CEP57: variants seen among roughly 807,000 people sequenced by gnomAD.
CEP57 encodes the protein centrosomal protein of 57 kDa.
CEP57 carries 40 observed loss-of-function variants against 68.0 expected under a neutral mutation model. The observed-to-expected ratio is 0.59, with a 90% confidence interval of 0.46 to 0.77. The LOEUF is 0.77. Ranked by LOEUF, CEP57 falls within the 30% of genes least tolerant of loss-of-function variation. The pLI is 0.00. For synonymous variants in CEP57, 219 were observed against 198.7 expected, an observed-to-expected ratio of 1.10 and a Z score of -0.86; for missense variants, 606 against 580.7, an observed-to-expected ratio of 1.04 and a Z score of -0.45.
chr11:95,812,006 A>G (rs543530), intron 2 of CEP57, among the ~76,000 whole-genome samples: 42,336 of 152,072 alleles, frequency 0.28, 7,066 homozygotes, highest in Non-Finnish European at 0.38. Context: ...ACCAAATGAC[A>G]GTCATTATCT....
Position 95,831,623 on chromosome 11 carries a change from ATGCTATAGGCAGTGCT to A in CEP57, c.*372_*387del. 6.3e-6 allele frequency: 1 copy of A among 159,810 alleles called. No individual in the cohort carries two copies. Among genetic ancestry groups the A allele is most frequent in the South Asian group, 1.8e-4 (1 of 5,608 alleles). 9.9% of individuals were successfully genotyped at this position (159,810 alleles called of 1,614,324 possible). The stretch of plus-strand genomic sequence containing the variant: ...GTTTAAATTTTCAAAATATGAGACT[ATGCTATAGGCAGTGCT>A]TGCTTGAAAAGTCTCATTTTTAAAT... On this transcript the variant is annotated 3_prime_UTR_variant, in exon 11 of 11. Coordinates refer to ENST00000325542, the MANE Select transcript of CEP57 (RefSeq NM_014679.5).
Position 95,827,743 on chromosome 11 carries a change from AAT to A in CEP57, c.886-39_886-38del, listed in dbSNP as rs768133887. 4 of 1,611,580 alleles carry A rather than the reference AAT, an allele frequency of 2.5e-6. No individual in the cohort carries two copies. In the African/African-American group the frequency reaches 5.3e-5, roughly 22 times the overall value. ...TTAGGGAATAGAAAGTGGTGTAGAG[AAT>A]ATAACTTCAATTACTTCTTTCATCA... On this transcript the variant is annotated intron_variant, in intron 8 of 10. Transcript: ENST00000325542.
chr11:95,790,880 C>A, intron 1 of CEP57, 137 bp downstream of exon 1: 2 of 1,005,240 alleles, frequency 2.0e-6, no homozygotes, highest in Non-Finnish European at 3.0e-6. Context: ...TTGCCCCGCG[C>A]TCCCCAAGCT....
At chr11:95,805,161 G>A (rs1007021858) in intron 2 of CEP57, among the ~76,000 whole-genome samples, 1 of 152,160 alleles carries the variant, frequency 6.6e-6, no homozygotes, top group African/African-American at 2.4e-5. Context: ...TGCAAAAAAT[G>A]TTTGATATTA....
In CEP57 at chr11:95,790,713, T is replaced by A; in HGVS notation, c.15T>A (p.Ser5=). Residue 5 remains serine (S), a synonymous_variant, in exon 1 of 11, where the codon TCT becomes TCA. Transcript: ENST00000325542. ...CAGGCTGAAAGATGGCGGCGGCGTC[T>A]GTCTCTGCGGCTTCTGGTTCTCACT... The part of the protein sequence containing the change: MAAA[S]VSAASGSHLS... The A allele has an allele frequency of 6.2e-7, 1 of 1,614,118 alleles. No individual in the cohort carries two copies.
intron 6 of CEP57, among the ~76,000 whole-genome samples, chr11:95,819,922 C>T (rs1862452972): frequency 6.6e-6 from 1 of 152,192 alleles, no homozygotes; most frequent in African/African-American, 2.4e-5. Context: ...TGTTTTCCCT[C>T]AGTGTGCTTT....
chr11:95,823,806 C>T (rs1472747706), intron 8 of CEP57, among the ~76,000 whole-genome samples: 1 of 152,122 alleles, frequency 6.6e-6, no homozygotes, highest in Non-Finnish European at 1.5e-5. Flanking sequence ...GTTCATCTCT[C>T]CAGTCAATTG....
intron 1 of CEP57, chr11:95,795,583 G>T: frequency 1.9e-6 from 1 of 516,282 alleles, no homozygotes; most frequent in South Asian, 3.0e-5. Context: ...TCTTACTCCT[G>T]ATTTTAAAAG....
At chr11:95,801,860 A>G (rs894465634) in intron 2 of CEP57, among the ~76,000 whole-genome samples, 2 of 152,190 alleles carry the variant, frequency 1.3e-5, no homozygotes, top group African/African-American at 2.4e-5. Flanking sequence ...AACAAGATAA[A>G]AAGTAACCTT....
At chr11:95,809,720 C>G (rs1035496131) in intron 2 of CEP57, among the ~76,000 whole-genome samples, 2 of 152,074 alleles carry the variant, frequency 1.3e-5, no homozygotes, top group African/African-American at 2.4e-5. Context: ...AGCCTGCCAA[C>G]CAAAAAAAGT....
At chr11:95,808,333 CAT>C (rs1366255575) in intron 2 of CEP57, among the ~76,000 whole-genome samples, 1 of 151,470 alleles carries the variant, frequency 6.6e-6, no homozygotes, top group African/African-American at 2.4e-5. Context: ...AACCAGCTAA[CAT>C]CATAATGATA....
chr11:95,828,628 A>C (rs1445005384), intron 9 of CEP57, among the ~76,000 whole-genome samples: 2 of 152,266 alleles, frequency 1.3e-5, no homozygotes, highest in African/African-American at 2.4e-5. Flanking sequence ...TTTGAAGAGC[A>C]AGATTCATCT....
At position 95,831,055 on chromosome 11, in the gene CEP57, G is replaced by A. The variant is rs1862985385; in HGVS notation, c.1302G>A (p.Lys434=). The A allele has an allele frequency of 1.2e-6, 2 of 1,612,884 alleles. No individual in the cohort carries two copies. The highest frequency in any genetic ancestry group is 1.6e-4 in the Middle Eastern group (1 of 6,074). Residue 434 remains lysine (K), a synonymous_variant, in exon 11 of 11, where the codon AAG becomes AAA. Transcript: ENST00000325542. ...AGAAACAGAAGTTAGAGAAGCAGAA[G>A]AAGGAATTAAAAGCTACCAAAAAGA... ...QLEKQKLEKQ[K]KELKATKKTL...
chr11:95,822,443 C>T, intron 7 of CEP57, 56 bp from the exon 8 acceptor site: 1 of 1,339,670 alleles, frequency 7.5e-7, no homozygotes, highest in Non-Finnish European at 1.1e-6. Context: ...CATGTATAGT[C>T]AGTTTTTATT....
chr11:95,794,433 T>G, intron 1 of CEP57: 1 of 410,940 alleles, frequency 2.4e-6, no homozygotes, highest in South Asian at 1.8e-5. Context: ...ACCCTCTTTA[T>G]TTTATGTCCT....
chr11:95,807,386 A>G (rs1006249953), intron 2 of CEP57, among the ~76,000 whole-genome samples: 1 of 152,236 alleles, frequency 6.6e-6, no homozygotes, highest in Non-Finnish European at 1.5e-5. Flanking sequence ...TTGAGAGAAG[A>G]AGGCTTCAAA....
In CEP57 at chr11:95,810,109, A is replaced by G. The variant is rs1420871179; in HGVS notation, c.203-2823A>G. On this transcript the variant is annotated intron_variant, in intron 2 of 10. Coordinates refer to ENST00000325542, the MANE Select transcript of CEP57 (RefSeq NM_014679.5). ...AACCAAAGACAGAAACCACATGATT[A>G]TCTCAGTAGATGCAGAAAAGGCCTT... Among the ~76,000 whole-genome samples, 6 of 152,222 alleles carry G rather than the reference A, an allele frequency of 3.9e-5. No homozygotes were observed. In the East Asian group the frequency reaches 1.2e-3, roughly 29 times the overall value.
At chr11:95,820,812 A>T (rs1862490667) in intron 6 of CEP57, among the ~76,000 whole-genome samples, 3 of 152,154 alleles carry the variant, frequency 2.0e-5, no homozygotes, top group South Asian at 4.1e-4. Flanking sequence ...TTTCCTGTTC[A>T]TTGAATTGTG....
chr11:95,813,177 A>G (rs499076), intron 3 of CEP57, 66 bp downstream of exon 3: 510,110 of 1,475,922 alleles, frequency 0.35, 93,813 homozygotes, highest in Non-Finnish European at 0.38. Context: ...GTATTCTAAA[A>G]GAAATAGTAC....
Sources: allele counts gnomAD v4.1 joint callset (sites outside exome capture counted in the v4.1 genomes callset), GRCh38; gene constraint gnomAD v4.1.1; transcripts MANE v1.5; gene names NCBI Gene and HGNC (gene_info 2026-07-23, HGNC 2026-07-21).